GSE1: variants seen among roughly 807,000 people sequenced by gnomAD.
GSE1 encodes the protein genetic suppressor element 1.
GSE1 carries 32 observed loss-of-function variants against 112.6 expected under a neutral mutation model. That is an observed-to-expected ratio of 0.28 (90% CI 0.21 to 0.38). The LOEUF is 0.38. GSE1 is among the 10% of genes least tolerant of loss of function. The pLI, the probability that GSE1 is intolerant of heterozygous loss-of-function variation, is 1.00. For missense variants in GSE1, 2,348 were observed against 1,699.2 expected (o/e 1.38, Z -6.71); for synonymous variants, 1,115 against 735.6 (o/e 1.52, Z -8.35).
chr16:85,383,590 C>T (rs1417503808), intron 2 of GSE1, among the ~76,000 whole-genome samples: 14 of 151,168 alleles, frequency 9.3e-5, no homozygotes, highest in African/African-American at 3.4e-4. Context: ...TCATACTCCT[C>T]CTCCTCCTCC....
chr16:85,670,901 G>C, intron 14 of GSE1, 94 bp from the exon 15 acceptor site: 1 of 761,382 alleles, frequency 1.3e-6, no homozygotes, highest in Non-Finnish European at 2.3e-6. Context: ...GAGAGGTTTT[G>C]GGCTCTGCTG....
intron 1 of GSE1, among the ~76,000 whole-genome samples, chr16:85,356,938 G>A (rs1382213009): frequency 6.6e-6 from 1 of 152,202 alleles, no homozygotes; most frequent in Non-Finnish European, 1.5e-5. Flanking sequence ...TCCCCCGGGG[G>A]TACTCAGATG....
chr16:85,574,527 G>C (rs1168899168), intron 1 of GSE1, among the ~76,000 whole-genome samples: 2 of 152,180 alleles, frequency 1.3e-5, no homozygotes, highest in African/African-American at 4.8e-5. Flanking sequence ...GAGGCCCCGG[G>C]GTCAGAAAGC....
chr16:85,336,126 A>T (rs1363068322), intron 1 of GSE1, among the ~76,000 whole-genome samples: 1 of 151,942 alleles, frequency 6.6e-6, no homozygotes, highest in Non-Finnish European at 1.5e-5. Flanking sequence ...CTTGGTGAGG[A>T]CCCGGCTGCA....
chr16:85,429,885 A>G (rs938827500), intron 2 of GSE1, among the ~76,000 whole-genome samples: 2 of 152,172 alleles, frequency 1.3e-5, no homozygotes, highest in Non-Finnish European at 2.9e-5. Flanking sequence ...GTGTGTGGTT[A>G]TTCTCTGTCT....
At chr16:85,604,770 A>AGATCTCTGAGAGGG (rs1173336031) in intron 1 of GSE1, among the ~76,000 whole-genome samples, 5 of 2,084 alleles carry the variant, frequency 2.4e-3, no homozygotes, top group African/African-American at 0.011. Context: ...AAAAAAAAAA[A>AGATCTCTGAGAGGG]AAAAATATAT....
intron 1 of GSE1, among the ~76,000 whole-genome samples, chr16:85,282,489 A>G (rs2044886030): frequency 6.6e-6 from 1 of 152,166 alleles, no homozygotes; most frequent in Non-Finnish European, 1.5e-5. Flanking sequence ...GACCCAGGGC[A>G]TTTACCGAAC....
chr16:85,186,247 AT>A (rs2074698758), intron 1 of GSE1, among the ~76,000 whole-genome samples: 1 of 152,172 alleles, frequency 6.6e-6, no homozygotes, highest in South Asian at 2.1e-4. Flanking sequence ...AGGCAGGAGA[AT>A]TGCTTGAGCC....
intron 2 of GSE1, among the ~76,000 whole-genome samples, chr16:85,370,688 C>T (rs1405710954): frequency 2.6e-5 from 4 of 151,510 alleles, no homozygotes; most frequent in Admixed American, 6.6e-5. Context: ...CTGCCTGGAG[C>T]GAGTTCTAGG....
At chr16:85,393,569 C>G (rs2047896877) in intron 2 of GSE1, among the ~76,000 whole-genome samples, 1 of 152,214 alleles carries the variant, frequency 6.6e-6, no homozygotes, top group Non-Finnish European at 1.5e-5. Context: ...GTTTTGCTAA[C>G]TTCATTTTGC....
At chr16:85,486,751 A>G (rs1041867782) in intron 2 of GSE1, among the ~76,000 whole-genome samples, 1 of 150,618 alleles carries the variant, frequency 6.6e-6, no homozygotes. Context: ...GTCCTGTTGC[A>G]CAGGCTGTTC....
chr16:85,666,355 G>A lies in GSE1; in HGVS notation c.3130+8G>A. Reference sequence around the variant, plus strand: ...CCCTGCAGAAGCATAAAGGTAATGAGGCTGCCAGTCCCTGCTCAGCTCTCG... The same window carrying A: ...CCCTGCAGAAGCATAAAGGTAATGAAGCTGCCAGTCCCTGCTCAGCTCTCG... On this transcript the variant is annotated splice_region_variant and intron_variant, in intron 13 of 15. Transcript: ENST00000253458. 1.2e-6 allele frequency: 2 copies of A among 1,613,264 alleles called. No individual in the cohort carries two copies. The highest frequency in any genetic ancestry group is 1.7e-6 in the Non-Finnish European group (2 of 1,180,004).
At chr16:85,290,097 G>A (rs1448332904) in intron 1 of GSE1, among the ~76,000 whole-genome samples, 1 of 152,186 alleles carries the variant, frequency 6.6e-6, no homozygotes, top group African/African-American at 2.4e-5. Flanking sequence ...TCGCCGCTTG[G>A]GTTTTCTTTG....
chr16:85,206,685 C>T (rs2075122775), intron 1 of GSE1, among the ~76,000 whole-genome samples: 1 of 151,542 alleles, frequency 6.6e-6, no homozygotes, highest in African/African-American at 2.4e-5. Flanking sequence ...CCCTCCCCGG[C>T]TGGGCCCCCA....
intron 2 of GSE1, among the ~76,000 whole-genome samples, chr16:85,636,366 C>T (rs1045028380): frequency 5.9e-5 from 9 of 152,188 alleles, no homozygotes; most frequent in Non-Finnish European, 7.3e-5. Context: ...GGTCCTGGAA[C>T]GCCCTCAGCC....
intron 1 of GSE1, among the ~76,000 whole-genome samples, chr16:85,224,188 G>A (rs2075441293): frequency 6.6e-6 from 1 of 150,450 alleles, no homozygotes; most frequent in Non-Finnish European, 1.5e-5. Context: ...GGAGAAAGGA[G>A]CACAGGACCT....
chr16:85,451,010 G>A (rs2049662725), intron 2 of GSE1, among the ~76,000 whole-genome samples: 1 of 148,656 alleles, frequency 6.7e-6, no homozygotes, highest in Non-Finnish European at 1.5e-5. Flanking sequence ...GGAAGCAGAG[G>A]TTGCAGTGAG....
intron 1 of GSE1, among the ~76,000 whole-genome samples, chr16:85,573,083 T>C (rs2046075832): frequency 6.6e-6 from 1 of 152,180 alleles, no homozygotes; most frequent in Non-Finnish European, 1.5e-5. Flanking sequence ...AGGCTGGTCT[T>C]AAACTCCTGA....
chr16:85,503,536 G>A (rs2051439079), intron 2 of GSE1, among the ~76,000 whole-genome samples: 1 of 152,184 alleles, frequency 6.6e-6, no homozygotes, highest in Non-Finnish European at 1.5e-5. Context: ...CTCTGGCCCT[G>A]CTGGTAATTA....
Sources: gnomAD v4.1 joint callset for allele counts (sites outside exome capture counted in the v4.1 genomes callset) on GRCh38, gnomAD v4.1.1 for gene constraint, MANE v1.5 for transcripts, NCBI Gene and HGNC (gene_info 2026-07-23, HGNC 2026-07-21) for gene names.